The following POGLUT2 variants were observed in gnomAD, a reference collection of about 807,000 sequenced individuals.
The protein encoded by POGLUT2 is ER protein 58.
A neutral mutation model predicts 57.6 loss-of-function variants in POGLUT2; 47 were observed. The ratio of observed to expected loss-of-function variants is 0.82; its 90% confidence interval spans 0.65 to 1.04. POGLUT2 has a LOEUF of 1.04. Ranked by LOEUF, POGLUT2 falls within the 50% of genes least tolerant of loss-of-function variation. POGLUT2 has a pLI of 0.00. For missense variants in POGLUT2, 565 were observed against 614.8 expected (o/e 0.92, Z 0.86); for synonymous variants, 200 against 218.8 (o/e 0.91, Z 0.76).
intron 1 of POGLUT2, among the ~76,000 whole-genome samples, chr13:102,798,043 G>T (rs1205186026): frequency 6.6e-6 from 1 of 152,154 alleles, no homozygotes; most frequent in Non-Finnish European, 1.5e-5. Context: ...TCCGAACTCT[G>T]AAGTTTCAAA....
intron 4 of POGLUT2, among the ~76,000 whole-genome samples, chr13:102,792,438 T>C (rs1185608575): frequency 6.6e-6 from 1 of 152,202 alleles, no homozygotes; most frequent in Non-Finnish European, 1.5e-5. Context: ...AATAATTTTA[T>C]GATAAGGCAT....
chr13:102,793,689 G>A lies in POGLUT2; in HGVS notation c.506C>T (p.Ala169Val). 1 of 1,614,130 alleles carries A rather than the reference G, an allele frequency of 6.2e-7. No individual in the cohort carries two copies. Among genetic ancestry groups the A allele is most frequent in the South Asian group, 1.1e-5 (1 of 91,088 alleles). ...TACTGCAATCTTTTCTGGATCCACA[G>A]CAGGGAAATGTGCCAGATCTCTCTG... ...QIQRDLAHFP[A>V]VDPEKIAVEI... The change falls in exon 3 of 10, where the codon GCT becomes GTT. Residue 169 changes from alanine to valine, a missense_variant. Coordinates refer to ENST00000376004, the MANE Select transcript of POGLUT2 (RefSeq NM_024089.3).
Position 102,798,751 on chromosome 13 carries a change from G to C in POGLUT2, c.-81C>G, listed in dbSNP as rs1324921654. 7.3e-7 allele frequency: 1 copy of C among 1,371,426 alleles called. No homozygotes were observed. The highest frequency in any genetic ancestry group is 1.5e-5 in the African/African-American group (1 of 67,174). 85.0% of individuals were successfully genotyped at this position (1,371,426 alleles called of 1,614,324 possible). A position where few individuals can be genotyped will look rare whatever the true frequency, so the allele number is the denominator to read the frequency against. The stretch of plus-strand genomic sequence containing the variant: ...GACAGAAGCAGCCGAGCCTTCGGCA[G>C]GGACCCGCCGGCCGATCGCAGCAGC... On this transcript the variant is annotated 5_prime_UTR_variant, in exon 1 of 10. Coordinates refer to ENST00000376004, the MANE Select transcript of POGLUT2 (RefSeq NM_024089.3).
chr13:102,793,688 A>G lies in POGLUT2; in HGVS notation c.507T>C (p.Ala169=). 6.2e-7 allele frequency: 1 copy of G among 1,614,188 alleles called. No individual in the cohort carries two copies. The highest frequency in any genetic ancestry group is 8.5e-7 in the Non-Finnish European group (1 of 1,180,016). ...CTACTGCAATCTTTTCTGGATCCACAGCAGGGAAATGTGCCAGATCTCTCT... is the reference window on the plus strand; with the variant it reads ...CTACTGCAATCTTTTCTGGATCCACGGCAGGGAAATGTGCCAGATCTCTCT... ...QIQRDLAHFP[A]VDPEKIAVEI... The change falls in exon 3 of 10, where the codon GCT becomes GCC. Residue 169 remains alanine, a synonymous_variant. Coordinates refer to ENST00000376004, the MANE Select transcript of POGLUT2 (RefSeq NM_024089.3).
intron 2 of POGLUT2, among the ~76,000 whole-genome samples, chr13:102,794,998 A>G (rs1362734821): frequency 1.3e-5 from 2 of 150,984 alleles, no homozygotes; most frequent in Non-Finnish European, 2.9e-5. Context: ...TCATGCCTGT[A>G]ATCCCAGCAC....
Position 102,791,114 on chromosome 13 carries a change from C to T in POGLUT2, c.870G>A (p.Val290=), listed in dbSNP as rs370834725. The T allele has an allele frequency of 2.0e-5, 33 of 1,614,020 alleles. No individual in the cohort carries two copies. Among genetic ancestry groups the T allele is most frequent in the Non-Finnish European group, 2.5e-5 (30 of 1,179,984 alleles). ...CCCAGGGAGGACCCGTGTTAGCTTG[C>T]ACGGACATCATATCCAGACTTACCC... ...MGRVSLDMMS[V]QANTGPPWES... Residue 290 remains valine (V), a synonymous_variant, in exon 6 of 10, where the codon GTG becomes GTA. Coordinates refer to ENST00000376004, the MANE Select transcript of POGLUT2 (RefSeq NM_024089.3).
intron 2 of POGLUT2, 100 bp from the exon 3 acceptor site, chr13:102,793,906 GT>G (rs772118115): frequency 3.1e-5 from 32 of 1,036,294 alleles, no homozygotes; most frequent in Non-Finnish European, 4.4e-5. Context: ...ATTTTGCTTA[GT>G]TACATAGGAA....
chr13:102,796,852 T>C lies in POGLUT2; in HGVS notation c.340A>G (p.Ile114Val), dbSNP rs1047740. Residue 114 changes from isoleucine (I) to valine (V), a missense_variant, in exon 2 of 10, where the codon ATT becomes GTT. Coordinates refer to ENST00000376004, the MANE Select transcript of POGLUT2 (RefSeq NM_024089.3). ...YASYKNLKVE[I>V]KFQGQHVAKS... ...GCCACATGTTGCCCTTGGAATTTAA[T>C]TTCCACCTTCAGATTTTTGTAGCTT... The C allele has an allele frequency of 0.25, 397,470 of 1,604,694 alleles. 60,051 individuals are homozygous for C. The highest frequency in any genetic ancestry group is 0.67 in the African/African-American group (49,813 of 74,518).
chr13:102,793,883 T>C lies in POGLUT2; in HGVS notation c.389-77A>G, dbSNP rs1878279316. 8 of 1,269,180 alleles carry C rather than the reference T, an allele frequency of 6.3e-6. No individual in the cohort carries two copies. The Admixed American group carries it at 7.4e-5, about 12-fold the overall frequency. The allele number at this position is 1,269,180 out of a possible 1,614,324, so 78.6% of individuals were successfully genotyped here. A position where few individuals can be genotyped will look rare whatever the true frequency, so the allele number is the denominator to read the frequency against. ...CGAAACTTGTAATAAACATCTATAA[T>C]GTGGCTTCATGAATTTTGCTTAGTT... On this transcript the variant is annotated intron_variant, in intron 2 of 9. Coordinates refer to ENST00000376004, the MANE Select transcript of POGLUT2 (RefSeq NM_024089.3).
At chr13:102,789,258 A>C (rs1878077484) in intron 6 of POGLUT2, 37 bp from the exon 7 acceptor site, 2 of 1,536,418 alleles carry the variant, frequency 1.3e-6, no homozygotes, top group African/African-American at 2.7e-5. Context: ...ACCTCTATTA[A>C]ATCTCCTTTT....
At chr13:102,794,221 G>A (rs2139098765) in intron 2 of POGLUT2, among the ~76,000 whole-genome samples, 1 of 152,222 alleles carries the variant, frequency 6.6e-6, no homozygotes, top group Non-Finnish European at 1.5e-5. Context: ...AAGACAGTGA[G>A]AGCCCGTTTC....
chr13:102,792,894 G>A (rs1461821501), intron 4 of POGLUT2, among the ~76,000 whole-genome samples: 1 of 152,118 alleles, frequency 6.6e-6, no homozygotes, highest in Non-Finnish European at 1.5e-5. Context: ...CTAGGTTCAA[G>A]CGATCTTCCT....
intron 2 of POGLUT2, among the ~76,000 whole-genome samples, chr13:102,794,714 A>T (rs893607724): frequency 6.6e-6 from 1 of 152,170 alleles, no homozygotes; most frequent in African/African-American, 2.4e-5. Flanking sequence ...CTATGGTAAT[A>T]TTACAGCTCA....
intron 8 of POGLUT2, among the ~76,000 whole-genome samples, chr13:102,787,341 C>T (rs1255996284): frequency 6.6e-6 from 1 of 152,186 alleles, no homozygotes; most frequent in East Asian, 1.9e-4. Context: ...GCCACCGCAC[C>T]CGGCCTACTA....
In POGLUT2 at chr13:102,784,505, T is replaced by A. The variant is rs774400442; in HGVS notation, c.1499A>T (p.Asp500Val). ...PCTCHRKKTK[D>V]EL is the part of the protein sequence containing the mutation. The stretch of plus-strand genomic sequence containing the variant: ...AAGTTATTTTGCATATCAGAGTTCA[T>A]CTTTGGTCTGCAATTAAGAAGCAAA... The change falls in exon 10 of 10, where the codon GAT becomes GTT. Residue 500 changes from aspartate (D) to valine (V), a missense_variant. Transcript: ENST00000376004. 1.3e-6 allele frequency: 2 copies of A among 1,547,592 alleles called. No individual in the cohort carries two copies. Among genetic ancestry groups the A allele is most frequent in the East Asian group, 2.2e-5 (1 of 44,494 alleles).
chr13:102,794,198 CT>C (rs1173664168), intron 2 of POGLUT2, among the ~76,000 whole-genome samples: 6 of 151,996 alleles, frequency 3.9e-5, no homozygotes, highest in Non-Finnish European at 7.4e-5. Context: ...GTTTGCGCCA[CT>C]CCATCCTGGG....
chr13:102,791,255 C>T lies in POGLUT2; in HGVS notation c.845+3G>A. 1 of 1,601,704 alleles carries T rather than the reference C, an allele frequency of 6.2e-7. No individual in the cohort carries two copies. The highest frequency in any genetic ancestry group is 8.5e-7 in the Non-Finnish European group (1 of 1,174,982). On this transcript the variant is annotated splice_donor_region_variant and intron_variant, in intron 5 of 9. Transcript: ENST00000376004. ...TCTGGGCCAACCCTGACTTATCTCT[C>T]ACCGGCCCATGGTTTCCAGAACAGA...
intron 8 of POGLUT2, among the ~76,000 whole-genome samples, chr13:102,787,471 G>C (rs1209675486): frequency 3.3e-5 from 5 of 152,192 alleles, no homozygotes; most frequent in African/African-American, 1.2e-4. Flanking sequence ...CAAGACAAGA[G>C]GCCCAAACAC....
At chr13:102,791,462 A>T (rs773755063) in intron 4 of POGLUT2, 32 bp from the exon 5 acceptor site, 4 of 1,540,686 alleles carry the variant, frequency 2.6e-6, no homozygotes, top group Non-Finnish European at 3.5e-6. Flanking sequence ...GCTTATTCAC[A>T]TTTCCTGCAT....
Sources: gnomAD v4.1 joint callset for allele counts (sites outside exome capture counted in the v4.1 genomes callset) on GRCh38, gnomAD v4.1.1 for gene constraint, MANE v1.5 for transcripts, NCBI Gene and HGNC (gene_info 2026-07-23, HGNC 2026-07-21) for gene names.